The following GRIK4 variants were observed in gnomAD, a reference collection of about 807,000 sequenced individuals.
The protein encoded by GRIK4 is glutamate ionotropic receptor kainate type subunit 4.
A neutral mutation model predicts 104.9 loss-of-function variants in GRIK4; 40 were observed. That is an observed-to-expected ratio of 0.38 (90% CI 0.30 to 0.50). The LOEUF is 0.50. Among genes scored for constraint, GRIK4 ranks in the 20% least tolerant of loss-of-function variants. GRIK4 has a pLI of 0.93. For missense variants in GRIK4, 1,047 were observed against 1,308.1 expected, an observed-to-expected ratio of 0.80 and a Z score of 3.08; for synonymous variants, 485 against 524.9, an observed-to-expected ratio of 0.92 and a Z score of 1.04.
intron 11 of GRIK4, among the ~76,000 whole-genome samples, chr11:120,876,827 A>G (rs1036986815): frequency 6.6e-6 from 1 of 152,222 alleles, no homozygotes; most frequent in Non-Finnish European, 1.5e-5. Flanking sequence ...ACAAGAGTCT[A>G]GTTGGGTAGG....
At chr11:120,975,883 C>A (rs1248123719) in intron 19 of GRIK4, among the ~76,000 whole-genome samples, 1 of 152,146 alleles carries the variant, frequency 6.6e-6, no homozygotes, top group Non-Finnish European at 1.5e-5. Context: ...TTACCTAACT[C>A]CTCTGCACCT....
At chr11:120,854,735 A>G (rs2135608365) in intron 8 of GRIK4, among the ~76,000 whole-genome samples, 1 of 152,282 alleles carries the variant, frequency 6.6e-6, no homozygotes, top group South Asian at 2.1e-4. Flanking sequence ...GTCTGCACAG[A>G]GCTCTCCTAT....
intron 9 of GRIK4, chr11:120,873,720 C>T (rs971217149): frequency 5.1e-6 from 1 of 195,396 alleles, no homozygotes; most frequent in Non-Finnish European, 1.0e-5. Context: ...AGCAGCCGTG[C>T]CCTCTTCTTC....
At position 120,925,174 on chromosome 11, in the gene GRIK4, G is replaced by A. The variant is rs147449771; in HGVS notation, c.1477-15173G>A. ...CTAGAAGTTCTCTATGGCTGTGGGCGATGCCCACAGAAGTTGGTGGTACTT... is the reference window on the plus strand; with the variant it reads ...CTAGAAGTTCTCTATGGCTGTGGGCAATGCCCACAGAAGTTGGTGGTACTT... On this transcript the variant is annotated intron_variant, in intron 13 of 20. Transcript: ENST00000527524. Among the ~76,000 whole-genome samples, 151 of 152,286 alleles carry A rather than the reference G, an allele frequency of 9.9e-4. 2 individuals are homozygous for A. The East Asian group carries it at 0.018, about 19-fold the overall frequency.
chr11:120,716,591 G>A (rs1404618491), intron 3 of GRIK4, among the ~76,000 whole-genome samples: 2 of 152,130 alleles, frequency 1.3e-5, no homozygotes, highest in African/African-American at 2.4e-5. Context: ...TCAGAGCTAT[G>A]GTACAAAAGG....
Position 120,952,932 on chromosome 11 carries a change from G to C in GRIK4, c.1668G>C (p.Leu556=). 1 of 1,613,676 alleles carries C rather than the reference G, an allele frequency of 6.2e-7. No homozygotes were observed. The highest frequency in any genetic ancestry group is 8.5e-7 in the Non-Finnish European group (1 of 1,179,714). ...GGCTCTTCATGCTTCTAGCCTATCT[G>C]GCCGTCAGCTGTGTCCTCTTCCTGG... ...GVWLFMLLAY[L]AVSCVLFLVA... is the part of the protein sequence containing the mutation. Residue 556 remains leucine, a synonymous_variant, in exon 15 of 21, where the codon CTG becomes CTC. Coordinates refer to ENST00000527524, the MANE Select transcript of GRIK4 (RefSeq NM_014619.5). This position sits in a 1 kb window ranked among gnomAD's most constrained non-coding sequence, Gnocchi z 5.2.
At chr11:120,947,401 CAA>C (rs34759788) in intron 14 of GRIK4, among the ~76,000 whole-genome samples, 96 of 124,094 alleles carry the variant, frequency 7.7e-4, no homozygotes, top group African/African-American at 1.2e-3. Flanking sequence ...GACTCTGTCT[CAA>C]AAAAAAAAAA....
At position 120,958,981 on chromosome 11, in the gene GRIK4, G is replaced by C. The variant is rs572419884; in HGVS notation, c.1875-1928G>C. On this transcript the variant is annotated intron_variant, in intron 16 of 20. Coordinates refer to ENST00000527524, the MANE Select transcript of GRIK4 (RefSeq NM_014619.5). ...AGACCTTGGGCATGGAGGGATACCT[G>C]CTACTTACAGGTCACAGATAGGGAA... Among the ~76,000 whole-genome samples, 4 of 152,306 alleles carry C rather than the reference G, an allele frequency of 2.6e-5. No individual in the cohort carries two copies. In the East Asian group the frequency reaches 7.7e-4, roughly 29 times the overall value.
rs767602762 is a variant in GRIK4 at position 120,963,991 on chromosome 11, ATTTATT to A, written c.2266+1318_2266+1323del. Among the ~76,000 whole-genome samples the A allele has an allele frequency of 0.033, 346 of 10,414 alleles. 5 individuals carry two copies. In the East Asian group the frequency reaches 0.4, roughly 12 times the overall value. 6.8% of individuals were successfully genotyped at this position (10,414 alleles called of 152,430 possible). On this transcript the variant is annotated intron_variant, in intron 18 of 20. Coordinates refer to ENST00000527524, the MANE Select transcript of GRIK4 (RefSeq NM_014619.5). ...TTTTTATTTATTTATTTATTTATTTATTTATTTTTATTTATTTTTGAGATGGAGCCT... is the reference window on the plus strand; with the variant it reads ...TTTTTATTTATTTATTTATTTATTTATTTATTTATTTTTGAGATGGAGCCT...
At chr11:120,972,990 A>C (rs140186103) in intron 19 of GRIK4, among the ~76,000 whole-genome samples, 13 of 152,304 alleles carry the variant, frequency 8.5e-5, no homozygotes, top group Middle Eastern at 3.4e-3. Context: ...GGACTACGGC[A>C]TAAGACCAGA....
intron 1 of GRIK4, among the ~76,000 whole-genome samples, chr11:120,559,054 A>G (rs560692669): frequency 1.3e-5 from 2 of 152,328 alleles, no homozygotes; most frequent in South Asian, 4.1e-4. Flanking sequence ...AGGGAGATGG[A>G]GAAGCCTTCT....
intron 13 of GRIK4, among the ~76,000 whole-genome samples, chr11:120,926,389 A>G (rs1163364183): frequency 6.6e-6 from 1 of 152,242 alleles, no homozygotes; most frequent in Non-Finnish European, 1.5e-5. Context: ...AAAGGCTGAC[A>G]CTTCTGGAAC....
At chr11:120,551,092 C>T (rs991948459) in intron 1 of GRIK4, among the ~76,000 whole-genome samples, 9 of 152,068 alleles carry the variant, frequency 5.9e-5, no homozygotes, top group Non-Finnish European at 1.0e-4. Context: ...GGTTTGGCCT[C>T]TTATGGGAGC....
chr11:120,738,922 T>C (rs1591851005), intron 3 of GRIK4, among the ~76,000 whole-genome samples: 1 of 152,154 alleles, frequency 6.6e-6, no homozygotes, highest in African/African-American at 2.4e-5. Context: ...ACGCAGCCGG[T>C]AGGGAGCGGA....
intron 13 of GRIK4, among the ~76,000 whole-genome samples, chr11:120,934,718 A>G (rs1439137800): frequency 6.6e-6 from 1 of 152,178 alleles, no homozygotes; most frequent in African/African-American, 2.4e-5. Flanking sequence ...TTTCAGTCAA[A>G]AATAGGGAGA....
chr11:120,860,184 T>C (rs535515003), intron 8 of GRIK4, among the ~76,000 whole-genome samples: 2 of 152,316 alleles, frequency 1.3e-5, no homozygotes, highest in South Asian at 2.1e-4. Context: ...AGGGTGTGGA[T>C]CTGTGTGCAA....
intron 1 of GRIK4, among the ~76,000 whole-genome samples, chr11:120,594,240 G>A (rs1424143485): frequency 6.6e-6 from 1 of 152,200 alleles, no homozygotes; most frequent in South Asian, 2.1e-4. Context: ...TATTTTGGGA[G>A]GCCAAGGCCG....
intron 5 of GRIK4, among the ~76,000 whole-genome samples, chr11:120,818,676 C>A (rs939930242): frequency 6.6e-6 from 1 of 152,208 alleles, no homozygotes; most frequent in Admixed American, 6.5e-5. Flanking sequence ...GAGACTCCTA[C>A]AGAGACCATC....
At chr11:120,938,242 G>C (rs374939584) in intron 13 of GRIK4, among the ~76,000 whole-genome samples, 1 of 152,170 alleles carries the variant, frequency 6.6e-6, no homozygotes, top group Non-Finnish European at 1.5e-5. Flanking sequence ...TGTCTAAAGA[G>C]TCCCCCAAAT....
Sources: gnomAD v4.1 joint callset for allele counts (sites outside exome capture counted in the v4.1 genomes callset) on GRCh38, gnomAD v4.1.1 for gene constraint, Gnocchi (gnomAD v3.1) non-coding constraint, MANE v1.5 for transcripts, NCBI Gene and HGNC (gene_info 2026-07-23, HGNC 2026-07-21) for gene names.